The following POMT2 variants were observed in gnomAD, a reference collection of about 807,000 sequenced individuals.
The protein encoded by POMT2 is protein O-mannosyl-transferase 2.
In POMT2, 75 loss-of-function variants were observed where a neutral mutation model predicts 100.0. That is an observed-to-expected ratio of 0.75 (90% CI 0.62 to 0.91). POMT2 has a LOEUF of 0.91. Among genes scored for constraint, POMT2 ranks in the 40% least tolerant of loss-of-function variants. The pLI is 0.00. For synonymous variants in POMT2, 378 were observed against 374.1 expected, an observed-to-expected ratio of 1.01 and a Z score of -0.12; for missense variants, 940 against 955.1, an observed-to-expected ratio of 0.98 and a Z score of 0.21.
intron 1 of POMT2, among the ~76,000 whole-genome samples, chr14:77,315,147 T>TG (rs958677215): frequency 5.3e-5 from 8 of 151,924 alleles, no homozygotes; most frequent in Non-Finnish European, 1.2e-4. Flanking sequence ...CCATGTCTCA[T>TG]GGGGGGAAGG....
Position 77,320,882 on chromosome 14 carries a change from G to A in POMT2, c.-201C>T, listed in dbSNP as rs1393788067. 1 of 1,131,050 alleles carries A rather than the reference G, an allele frequency of 8.8e-7. No homozygotes were observed. The highest frequency in any genetic ancestry group is 1.6e-5 in the African/African-American group (1 of 60,628). The allele number at this position is 1,131,050 out of a possible 1,614,324, so 70.1% of individuals were successfully genotyped here. ...GGGCCGCTAGGAGGCGGCAGGAGGC[G>A]CAGAGCATGTCGGGACCGGGAGGGC... On this transcript the variant is annotated 5_prime_UTR_variant, in exon 1 of 21. Coordinates refer to ENST00000261534, the MANE Select transcript of POMT2 (RefSeq NM_013382.7).
rs1437443576 is a variant in POMT2, at chr14:77,308,241, G to GA, written c.334-1801dup. Among the ~76,000 whole-genome samples, 6 of 151,108 alleles carry GA rather than the reference G, an allele frequency of 4.0e-5. No individual in the cohort carries two copies. The South Asian group carries it at 1.3e-3, about 32-fold the overall frequency. On this transcript the variant is annotated intron_variant, in intron 2 of 20. Transcript: ENST00000261534. ...ACTAGAAAAAAATGACAAATTCATA[G>GA]AAAACAAAATACAAATGGCTAACAT...
intron 10 of POMT2, 30 bp from the exon 11 acceptor site, chr14:77,288,861 A>C: frequency 6.3e-7 from 1 of 1,591,434 alleles, no homozygotes; most frequent in South Asian, 1.1e-5. Context: ...ATTGATATCC[A>C]AAATCACTCA....
At position 77,276,024 on chromosome 14, in the gene POMT2, G is replaced by C. The variant is rs1482663697; in HGVS notation, c.*1352C>G. The C allele has an allele frequency of 6.6e-6, 1 of 152,518 alleles. No homozygotes were observed. The highest frequency in any genetic ancestry group is 1.5e-5 in the Non-Finnish European group (1 of 68,044). 9.4% of individuals were successfully genotyped at this position (152,518 alleles called of 1,614,324 possible). A position where few individuals can be genotyped will look rare whatever the true frequency, so the allele number is the denominator to read the frequency against. On this transcript the variant is annotated 3_prime_UTR_variant, in exon 21 of 21. Transcript: ENST00000261534. ...CAGAGTTGTTGGGAGCTTCAGAGGAGGGAAAATGGAGTGTGGCGGATTCAT... is the reference window on the plus strand; with the variant it reads ...CAGAGTTGTTGGGAGCTTCAGAGGACGGAAAATGGAGTGTGGCGGATTCAT...
rs537813081 is a variant in POMT2 at position 77,289,196 on chromosome 14, G to A, written c.1184-365C>T. ...ACCTGAGGCCAGGAATTCGAGACAA[G>A]CCTGGCCAACATGGTGAAACCCCAT... On this transcript the variant is annotated intron_variant, in intron 10 of 20. Transcript: ENST00000261534. 3.0e-3 allele frequency among the ~76,000 whole-genome samples: 455 copies of A among 151,992 alleles called. 4 individuals carry two copies. The highest frequency in any genetic ancestry group is 0.011 in the African/African-American group (439 of 41,438).
chr14:77,298,948 C>A (rs1038573366), intron 7 of POMT2, among the ~76,000 whole-genome samples, 177 bp from the exon 8 acceptor site: 1 of 152,260 alleles, frequency 6.6e-6, no homozygotes, highest in Non-Finnish European at 1.5e-5. Context: ...CAGCCACTTA[C>A]TAGCTGTGCG....
At chr14:77,281,136 AAATAAT>A (rs200213908) in intron 15 of POMT2, among the ~76,000 whole-genome samples, 112 of 122,320 alleles carry the variant, frequency 9.2e-4, no homozygotes, top group Middle Eastern at 3.9e-3. Context: ...ATAAATAAAT[AAATAAT>A]AAGGCTTACT....
At chr14:77,296,597 A>G in intron 8 of POMT2, 1 of 312,982 alleles carries the variant, frequency 3.2e-6, no homozygotes, top group East Asian at 5.9e-5. Context: ...AATGGAATAA[A>G]GAAGGAAGTA....
rs11624564 is a variant in POMT2, at chr14:77,276,318, C to T, written c.*1058G>A. ...TGACAGAGAGAAAGGGAATTGCCCA[C>T]GGAGTGAGGGAGGGGTGAGCAGAGG... is the stretch of plus-strand genomic sequence containing the variant. On this transcript the variant is annotated 3_prime_UTR_variant, in exon 21 of 21. Transcript: ENST00000261534. 63,280 of 152,500 alleles carry T rather than the reference C, an allele frequency of 0.41. 14,908 individuals carry two copies. Among genetic ancestry groups the T allele is most frequent in the Non-Finnish European group, 0.53 (36,126 of 68,050 alleles). The allele number at this position is 152,500 out of a possible 1,614,324, so 9.4% of individuals were successfully genotyped here. A position where few individuals can be genotyped will look rare whatever the true frequency, so the allele number is the denominator to read the frequency against.
intron 9 of POMT2, among the ~76,000 whole-genome samples, chr14:77,292,888 C>T (rs1033063031): frequency 6.6e-6 from 1 of 152,116 alleles, no homozygotes; most frequent in Non-Finnish European, 1.5e-5. Context: ...GTAGGCTGGA[C>T]CACCTAGGTT....
rs557482254 is a variant in POMT2, at chr14:77,318,988, G to A, written c.248+1446C>T. On this transcript the variant is annotated intron_variant, in intron 1 of 20. Coordinates refer to ENST00000261534, the MANE Select transcript of POMT2 (RefSeq NM_013382.7). The stretch of plus-strand genomic sequence containing the variant: ...TGACCTCAGGTGATCTGCCCGCCTC[G>A]GCCTCCCAAACTGCCGGGATTACAG... Among the ~76,000 whole-genome samples, 26 of 152,200 alleles carry A rather than the reference G, an allele frequency of 1.7e-4. No individual in the cohort carries two copies. In the East Asian group the frequency reaches 4.4e-3, roughly 26 times the overall value.
chr14:77,293,002 T>C (rs908391297), intron 9 of POMT2, among the ~76,000 whole-genome samples: 3 of 152,226 alleles, frequency 2.0e-5, no homozygotes, highest in Admixed American at 6.5e-5. Flanking sequence ...CAAAGAGATT[T>C]AGAATTAGCA....
At chr14:77,309,030 A>T (rs892565967) in intron 2 of POMT2, among the ~76,000 whole-genome samples, 2 of 152,212 alleles carry the variant, frequency 1.3e-5, no homozygotes, top group Admixed American at 1.3e-4. Flanking sequence ...TTCATGTGCT[A>T]ATGTGGAAAG....
At chr14:77,278,270 C>T (rs1890052220) in intron 20 of POMT2, 124 bp downstream of exon 20, 9 of 847,270 alleles carry the variant, frequency 1.1e-5, no homozygotes, top group East Asian at 2.7e-5. Context: ...GCTTGGGTGA[C>T]GCAGAACCTC....
chr14:77,320,696 G>A lies in POMT2; in HGVS notation c.-15C>T. On this transcript the variant is annotated 5_prime_UTR_variant, in exon 1 of 21. Coordinates refer to ENST00000261534, the MANE Select transcript of POMT2 (RefSeq NM_013382.7). ...GCCGGCGGCATCTTCCCCCTCCTCT[G>A]GGTCGCCCTCCGGCCCGGAGGCACA... 1 of 1,591,690 alleles carries A rather than the reference G, an allele frequency of 6.3e-7. No homozygotes were observed. Among genetic ancestry groups the A allele is most frequent in the Non-Finnish European group, 8.5e-7 (1 of 1,177,448 alleles).
At chr14:77,314,603 C>T (rs182671066) in intron 1 of POMT2, among the ~76,000 whole-genome samples, 1 of 152,288 alleles carries the variant, frequency 6.6e-6, no homozygotes, top group East Asian at 1.9e-4. Flanking sequence ...GTGAGAGTCC[C>T]CCACTGTCCC....
At chr14:77,297,814 G>C (rs72681234) in intron 8 of POMT2, among the ~76,000 whole-genome samples, 3,541 of 152,172 alleles carry the variant, frequency 0.023, 75 homozygotes, top group Non-Finnish European at 0.037. Context: ...TAGCTTCCCA[G>C]AGGGTTTCTC....
At chr14:77,285,093 G>C in intron 13 of POMT2, 52 bp from the exon 14 acceptor site, 1 of 1,445,060 alleles carries the variant, frequency 6.9e-7, no homozygotes, top group Non-Finnish European at 9.7e-7. Flanking sequence ...AAATCCACCA[G>C]AGAGTGACAC....
intron 5 of POMT2, among the ~76,000 whole-genome samples, chr14:77,301,463 G>GTA (rs1427193413): frequency 3.3e-5 from 5 of 152,180 alleles, no homozygotes; most frequent in African/African-American, 1.2e-4. Context: ...AGGGCGCAGG[G>GTA]TATTCTTCAG....
Sources: allele counts gnomAD v4.1 joint callset (sites outside exome capture counted in the v4.1 genomes callset), GRCh38; gene constraint gnomAD v4.1.1; transcripts MANE v1.5; gene names NCBI Gene and HGNC (gene_info 2026-07-23, HGNC 2026-07-21).